SNX15: variants seen among roughly 807,000 people sequenced by gnomAD.
SNX15 encodes sorting nexin-15.
SNX15 carries 29 observed loss-of-function variants against 35.2 expected under a neutral mutation model. That is an observed-to-expected ratio of 0.82 (90% confidence interval 0.61 to 1.12). The LOEUF (loss-of-function observed/expected upper bound fraction) is 1.12. Among genes scored for constraint, SNX15 ranks in the 50% most tolerant of loss-of-function variants. The probability of loss-of-function intolerance (pLI) is 0.00; values close to 1 mark genes in which losing one functional copy is unlikely to be tolerated. For synonymous variants in SNX15, 189 were observed against 188.2 expected (o/e 1.00, Z -0.03); for missense variants, 400 against 451.5 (o/e 0.89, Z 1.03).
Position 65,027,651 on chromosome 11 carries a change from A to G in SNX15, c.99+15A>G. The G allele has an allele frequency of 6.3e-7, 1 of 1,596,826 alleles. No homozygotes were observed. Among genetic ancestry groups the G allele is most frequent in the Non-Finnish European group, 8.6e-7 (1 of 1,164,368 alleles). On this transcript the variant is annotated intron_variant, in intron 1 of 7. Coordinates refer to ENST00000377244, the MANE Select transcript of SNX15 (RefSeq NM_013306.5). ...TAACCGCGCAGGTGAGGTGGGGCCC[A>G]GCGCGTACTTTACCCTTTTAACTAG...
chr11:65,032,291 G>A (rs1161575075), intron 2 of SNX15, 88 bp downstream of exon 2: 15 of 1,569,496 alleles, frequency 9.6e-6, no homozygotes, highest in Middle Eastern at 1.7e-4. Flanking sequence ...CTTGGACATC[G>A]GCCCTCCTTC....
chr11:65,031,761 A>G (rs525433), intron 1 of SNX15, among the ~76,000 whole-genome samples: 102,410 of 152,074 alleles, frequency 0.67, 35,172 homozygotes, highest in Non-Finnish European at 0.71. Flanking sequence ...AACATTAGCA[A>G]GCGTGGTGGT....
rs1427187649 is a variant in SNX15, at chr11:65,032,158, T to C, written c.100-10T>C. 4 of 1,613,992 alleles carry C rather than the reference T, an allele frequency of 2.5e-6. No individual in the cohort carries two copies. Among genetic ancestry groups the C allele is most frequent in the Non-Finnish European group, 3.4e-6 (4 of 1,179,966 alleles). ...TCTGGTCTCAACCAGCTCTTGCCTT[T>C]CTTTCTCAGTTCATCTCAAAGAAGG... On this transcript the variant is annotated splice_polypyrimidine_tract_variant and intron_variant, in intron 1 of 7. Transcript: ENST00000377244.
rs370952013 is a variant in SNX15 at position 65,039,713 on chromosome 11, G to A, written c.950G>A (p.Gly317Asp). Residue 317 changes from glycine (G) to aspartate (D), a missense_variant, in exon 8 of 8, where the codon GGT (glycine) becomes GAT (aspartate). By Grantham distance (94) the Gly-to-Asp change is moderately conservative. Transcript: ENST00000377244. ...PSDPLPARQEGVKKKAAEYLK... is the reference protein window; with the variant it reads ...PSDPLPARQEDVKKKAAEYLK... ...GACCCGTTGCCTGCCCGCCAGGAAG[G>A]TGTGAAGAAGAAGGCAGCTGAGTAC... 4 of 1,613,490 alleles carry A rather than the reference G, an allele frequency of 2.5e-6. No individual in the cohort carries two copies. The highest frequency in any genetic ancestry group is 3.4e-6 in the Non-Finnish European group (4 of 1,179,820).
At chr11:65,038,466 T>C in intron 6 of SNX15, 106 bp from the exon 7 acceptor site, 1 of 1,391,780 alleles carries the variant, frequency 7.2e-7, no homozygotes, top group Non-Finnish European at 9.5e-7. Flanking sequence ...TCCCCTCTAC[T>C]GGGGACAGGC....
intron 7 of SNX15, among the ~76,000 whole-genome samples, chr11:65,039,161 T>C (rs1382833818): frequency 6.6e-6 from 1 of 150,616 alleles, no homozygotes; most frequent in African/African-American, 2.4e-5. Flanking sequence ...CTAGCTGGGA[T>C]TACAGGCGCC....
intron 3 of SNX15, among the ~76,000 whole-genome samples, chr11:65,033,076 A>T (rs1015429752): frequency 6.6e-6 from 1 of 151,384 alleles, no homozygotes; most frequent in Non-Finnish European, 1.5e-5. Context: ...GAGTTTCATC[A>T]TATTGGCCAG....
intron 1 of SNX15, among the ~76,000 whole-genome samples, chr11:65,028,503 C>G (rs113208352): frequency 6.6e-6 from 1 of 152,122 alleles, no homozygotes; most frequent in African/African-American, 2.4e-5. Context: ...TTCCCCAAAC[C>G]GTTTACGTCT....
rs1386133025 is a variant in SNX15, at chr11:65,038,754, G to A, written c.847G>A (p.Glu283Lys). 2 of 1,601,666 alleles carry A rather than the reference G, an allele frequency of 1.2e-6. No individual in the cohort carries two copies. The highest frequency in any genetic ancestry group is 1.7e-6 in the Non-Finnish European group (2 of 1,174,698). Residue 283 changes from glutamate to lysine, a missense_variant, in exon 7 of 8, where the codon GAG becomes AAG. Transcript: ENST00000377244. ...TELITQALRD[E>K]KAGAYAAALQ... ...GCTCATCACCCAGGCCCTGCGGGATGAGAAGGCAGGCGCTTACGCTGCTGC... is the reference window on the plus strand; with the variant it reads ...GCTCATCACCCAGGCCCTGCGGGATAAGAAGGCAGGCGCTTACGCTGCTGC...
intron 1 of SNX15, among the ~76,000 whole-genome samples, chr11:65,028,706 A>G (rs1470225350): frequency 1.3e-5 from 2 of 151,052 alleles, no homozygotes; most frequent in Non-Finnish European, 3.0e-5. Flanking sequence ...AAAAAAAAAA[A>G]AGCAAATAAA....
At position 65,034,820 on chromosome 11, in the gene SNX15, C is replaced by T. The variant is rs774871969; in HGVS notation, c.257-27C>T. 2.5e-6 allele frequency: 4 copies of T among 1,588,214 alleles called. No individual in the cohort carries two copies. The South Asian group carries it at 4.4e-5, about 18-fold the overall frequency. ...GCCCCTGTGGGTCACCGCCACTCTCCCCTGTTCCTTGTCCTGGGGGCCGTA... is the reference window on the plus strand; with the variant it reads ...GCCCCTGTGGGTCACCGCCACTCTCTCCTGTTCCTTGTCCTGGGGGCCGTA... On this transcript the variant is annotated intron_variant, in intron 3 of 7. Transcript: ENST00000377244.
chr11:65,034,859 C>G lies in SNX15; in HGVS notation c.269C>G (p.Ala90Gly), dbSNP rs750347117. The G allele has an allele frequency of 6.2e-7, 1 of 1,613,844 alleles. No individual in the cohort carries two copies. The highest frequency in any genetic ancestry group is 8.5e-7 in the Non-Finnish European group (1 of 1,179,812). Residue 90 changes from alanine (A) to glycine (G), a missense_variant, in exon 4 of 8, where the codon GCC becomes GGC. Transcript: ENST00000377244. ...CTGGGGGCCGTAGGCCGGTTTGAAG[C>G]CTCAGTGATCGAGGAGCGGCGAAAG... ...PRAQVFGRFE[A>G]SVIEERRKGA... is the part of the protein sequence containing the mutation.
chr11:65,032,354 C>T (rs1468060995), intron 2 of SNX15, 77 bp from the exon 3 acceptor site: 1 of 1,609,406 alleles, frequency 6.2e-7, no homozygotes, highest in African/African-American at 1.3e-5. Context: ...TCCTCACGCC[C>T]CCTGGGGGCA....
At chr11:65,030,909 G>T (rs1946433217) in intron 1 of SNX15, among the ~76,000 whole-genome samples, 1 of 152,120 alleles carries the variant, frequency 6.6e-6, no homozygotes. Flanking sequence ...CTTACTTAGT[G>T]TGTGGTCTAC....
Position 65,038,605 on chromosome 11 carries a change from A to G in SNX15, c.698A>G (p.Glu233Gly). The change falls in exon 7 of 8, where the codon GAG becomes GGG. Residue 233 changes from glutamate to glycine, a missense_variant. Physicochemically the swap from Glu to Gly is moderately conservative, Grantham distance 98. Transcript: ENST00000377244. ...GAAPSPTHVA[E>G]LATMEVESAR... ...GCCCCCAGCCCCACCCATGTGGCTG[A>G]GCTGGCAACGATGGAGGTGGAGTCT... 1 of 1,589,676 alleles carries G rather than the reference A, an allele frequency of 6.3e-7. No individual in the cohort carries two copies. Among genetic ancestry groups the G allele is most frequent in the African/African-American group, 1.3e-5 (1 of 74,364 alleles).
chr11:65,029,198 G>T (rs569130384), intron 1 of SNX15, among the ~76,000 whole-genome samples: 3 of 151,816 alleles, frequency 2.0e-5, no homozygotes, highest in South Asian at 4.1e-4. Flanking sequence ...TCTCACTGTC[G>T]CCCAGACTGG....
At chr11:65,034,709 G>A (rs1946478501) in intron 3 of SNX15, 138 bp from the exon 4 acceptor site, 1 of 636,130 alleles carries the variant, frequency 1.6e-6, no homozygotes, top group Admixed American at 2.8e-5. Flanking sequence ...AGGAACCAGG[G>A]CAGATTGCTG....
At chr11:65,039,574 A>C in intron 7 of SNX15, 112 bp from the exon 8 acceptor site, 1 of 642,356 alleles carries the variant, frequency 1.6e-6, no homozygotes, top group Non-Finnish European at 2.8e-6. Context: ...TGGGCCCCAG[A>C]GAGGAGGGAA....
In SNX15 at chr11:65,035,211, A is replaced by G. The variant is rs560173883; in HGVS notation, c.520+5A>G. 32 of 1,568,882 alleles carry G rather than the reference A, an allele frequency of 2.0e-5. No homozygotes were observed. Among genetic ancestry groups the G allele is most frequent in the Non-Finnish European group, 8.6e-6 (10 of 1,161,886 alleles). On this transcript the variant is annotated splice_donor_5th_base_variant and intron_variant, in intron 5 of 7. Coordinates refer to ENST00000377244, the MANE Select transcript of SNX15 (RefSeq NM_013306.5). ...TCGAGGAATTGGAGGTGCCAGGTAC[A>G]TCGGGGTGGGAGGAGGGAACCAGGG...
Sources: allele counts gnomAD v4.1 joint callset (sites outside exome capture counted in the v4.1 genomes callset), GRCh38; gene constraint gnomAD v4.1.1; transcripts MANE v1.5; gene names NCBI Gene and HGNC (gene_info 2026-07-23, HGNC 2026-07-21).